The following ADARB2 variants were observed in gnomAD, a reference collection of about 807,000 sequenced individuals.
ADARB2 encodes inactive double-stranded RNA-specific editase B2.
Under a neutral mutation model 62.2 loss-of-function variants are expected in ADARB2, and 25 were observed. That is an observed-to-expected ratio of 0.40 (90% CI 0.29 to 0.56). ADARB2 has a LOEUF of 0.56. Among genes scored for constraint, ADARB2 ranks in the 20% least tolerant of loss-of-function variants. The pLI is 0.43. For missense variants in ADARB2, 1,071 were observed against 1,077.4 expected (o/e 0.99, Z 0.08); for synonymous variants, 572 against 500.8 (o/e 1.14, Z -1.90).
chr10:1,689,508 G>T (rs1834641851), intron 1 of ADARB2, among the ~76,000 whole-genome samples: 1 of 152,066 alleles, frequency 6.6e-6, no homozygotes, highest in Non-Finnish European at 1.5e-5. Flanking sequence ...ACACACATAG[G>T]GGCATCTGTA....
intron 4 of ADARB2, among the ~76,000 whole-genome samples, chr10:1,248,096 G>A (rs1317222145): frequency 1.3e-5 from 2 of 152,236 alleles, no homozygotes; most frequent in African/African-American, 2.4e-5. Flanking sequence ...GGCTTATTAA[G>A]TCAGGAAGAC....
chr10:1,280,965 T>C (rs1360618109), intron 3 of ADARB2, among the ~76,000 whole-genome samples: 1 of 152,238 alleles, frequency 6.6e-6, no homozygotes, highest in African/African-American at 2.4e-5. Flanking sequence ...AGTGCGCCAC[T>C]GGCTTTGGGG....
chr10:1,427,300 T>G (rs1257127492), intron 1 of ADARB2, among the ~76,000 whole-genome samples: 12 of 152,206 alleles, frequency 7.9e-5, no homozygotes, highest in Non-Finnish European at 4.4e-5. Context: ...AGCTCAAGAT[T>G]AAGATAAAGT....
intron 1 of ADARB2, among the ~76,000 whole-genome samples, chr10:1,612,599 C>G (rs1374977351): frequency 6.6e-6 from 1 of 152,230 alleles, no homozygotes; most frequent in Non-Finnish European, 1.5e-5. Context: ...CATTAAATAA[C>G]GTGTCCAAAT....
At chr10:1,677,396 G>A (rs1227895914) in intron 1 of ADARB2, among the ~76,000 whole-genome samples, 1 of 152,196 alleles carries the variant, frequency 6.6e-6, no homozygotes, top group African/African-American at 2.4e-5. Flanking sequence ...GCTGGTACTG[G>A]GTGGGGCTGG....
At chr10:1,260,137 T>TATTTTCA (rs1219236672) in intron 4 of ADARB2, among the ~76,000 whole-genome samples, 1 of 152,242 alleles carries the variant, frequency 6.6e-6, no homozygotes, top group East Asian at 1.9e-4. Context: ...AATTAGTTAT[T>TATTTTCA]GATGGGACGT....
At chr10:1,627,188 G>A (rs754822583) in intron 1 of ADARB2, among the ~76,000 whole-genome samples, 9 of 152,002 alleles carry the variant, frequency 5.9e-5, no homozygotes, top group Non-Finnish European at 1.3e-4. Context: ...AACTTGGGAC[G>A]TGCACAAGAA....
intron 8 of ADARB2, chr10:1,199,747 A>G: frequency 4.1e-6 from 2 of 488,084 alleles, no homozygotes; most frequent in South Asian, 4.6e-5. Context: ...CCATCACACA[A>G]TCACGAATTC....
chr10:1,658,574 C>T, intron 1 of ADARB2, among the ~76,000 whole-genome samples: 1 of 152,218 alleles, frequency 6.6e-6, no homozygotes, highest in Non-Finnish European at 1.5e-5. Context: ...ATCTCTCTCT[C>T]ACTCCATTGG....
At chr10:1,614,933 T>G (rs1588324384) in intron 1 of ADARB2, among the ~76,000 whole-genome samples, 1 of 151,158 alleles carries the variant, frequency 6.6e-6, no homozygotes, top group Non-Finnish European at 1.5e-5. Context: ...TAAAATGCCC[T>G]TTTTGTTTTG....
intron 1 of ADARB2, among the ~76,000 whole-genome samples, chr10:1,523,840 T>A (rs936074722): frequency 5.9e-5 from 9 of 152,238 alleles, no homozygotes; most frequent in South Asian, 2.1e-4. Flanking sequence ...TCCTATTTTA[T>A]AAATGCTCTT....
intron 3 of ADARB2, among the ~76,000 whole-genome samples, chr10:1,338,233 T>A (rs374745247): frequency 3.9e-5 from 6 of 152,322 alleles, no homozygotes; most frequent in Admixed American, 3.9e-4. Context: ...GACTGATAAG[T>A]GTTTAACCGA....
intron 6 of ADARB2, among the ~76,000 whole-genome samples, chr10:1,227,202 G>A (rs966678869): frequency 7.2e-5 from 11 of 152,220 alleles, no homozygotes; most frequent in Non-Finnish European, 1.5e-4. Flanking sequence ...AGGACCCTCC[G>A]AGCCAGGTGT....
intron 8 of ADARB2, among the ~76,000 whole-genome samples, chr10:1,192,775 ATT>A: frequency 6.6e-6 from 1 of 152,300 alleles, no homozygotes; most frequent in East Asian, 1.9e-4. Context: ...TCCTGTCTCT[ATT>A]AAAAATACAA....
chr10:1,468,235 G>T (rs966460492), intron 1 of ADARB2, among the ~76,000 whole-genome samples: 4 of 152,204 alleles, frequency 2.6e-5, no homozygotes, highest in Non-Finnish European at 5.9e-5. Flanking sequence ...TTGCCTCTTG[G>T]TTGGCCATGG....
chr10:1,417,085 G>T (rs151329183), intron 1 of ADARB2, among the ~76,000 whole-genome samples: 1 of 152,254 alleles, frequency 6.6e-6, no homozygotes, highest in African/African-American at 2.4e-5. Context: ...TATAATAGAT[G>T]GGCAGGAAGT....
chr10:1,589,189 T>C (rs1295875601), intron 1 of ADARB2, among the ~76,000 whole-genome samples: 1 of 152,238 alleles, frequency 6.6e-6, no homozygotes, highest in East Asian at 1.9e-4. Context: ...TCTGCCACAT[T>C]TGTGGCGAAC....
intron 7 of ADARB2, among the ~76,000 whole-genome samples, chr10:1,208,673 T>A (rs1022092274): frequency 1.3e-5 from 2 of 152,216 alleles, no homozygotes; most frequent in African/African-American, 4.8e-5. Context: ...TCTGGGCTGG[T>A]CTTAGCCACC....
intron 2 of ADARB2, among the ~76,000 whole-genome samples, chr10:1,376,122 G>A (rs1264129577): frequency 4.6e-5 from 7 of 152,142 alleles, no homozygotes; most frequent in African/African-American, 1.4e-4. Context: ...CTACCTTCCC[G>A]TGCATCTGGA....
Sources: gnomAD v4.1 joint callset for allele counts (sites outside exome capture counted in the v4.1 genomes callset) on GRCh38, gnomAD v4.1.1 for gene constraint, MANE v1.5 for transcripts, NCBI Gene and HGNC (gene_info 2026-07-23, HGNC 2026-07-21) for gene names.